Variants in THADA observed in about 807,000 individuals in gnomAD.
The protein encoded by THADA is tRNA (32-2'-O)-methyltransferase regulator THADA.
THADA carries 213 observed loss-of-function variants against 219.8 expected under a neutral mutation model. The ratio of observed to expected loss-of-function variants is 0.97; its 90% confidence interval spans 0.87 to 1.09. The LOEUF (loss-of-function observed/expected upper bound fraction) is 1.09, where lower values mean the gene tolerates loss of function less well. THADA is among the 50% of genes least tolerant of loss of function. The pLI is 0.00. For synonymous variants in THADA, 1,018 were observed against 828.9 expected (o/e 1.23, Z -3.92); for missense variants, 2,956 against 2,311.3 (o/e 1.28, Z -5.72).
intron 36 of THADA, 24 bp from the exon 37 acceptor site, chr2:43,232,906 G>C: frequency 3.1e-6 from 5 of 1,596,982 alleles, no homozygotes; most frequent in African/African-American, 1.3e-5. Flanking sequence ...AGAAAGGTGA[G>C]CAATGAATAT....
chr2:43,358,320 G>A (rs566684577), intron 29 of THADA, among the ~76,000 whole-genome samples: 1 of 152,042 alleles, frequency 6.6e-6, no homozygotes, highest in East Asian at 1.9e-4. Flanking sequence ...GTAGGTGTGT[G>A]GTATTTTCAC....
Position 43,232,851 on chromosome 2 carries a change from G to C in THADA, c.5328C>G (p.Ile1776Met), listed in dbSNP as rs370104439. The change falls in exon 37 of 38, where the codon ATC becomes ATG. Residue 1776 changes from isoleucine (I) to methionine (M), a missense_variant. Transcript: ENST00000405975. Reference sequence around the variant, plus strand: ...GGACGGCCAGGGCCAGGGCCAGAGCGATGGAGGCATCCACCTGGCAGAAGG... The same window carrying C: ...GGACGGCCAGGGCCAGGGCCAGAGCCATGGAGGCATCCACCTGGCAGAAGG... ...EFAFCQVDAS[I>M]ALALALAVLC... 6.2e-7 allele frequency: 1 copy of C among 1,611,588 alleles called. No homozygotes were observed. Among genetic ancestry groups the C allele is most frequent in the Non-Finnish European group, 8.5e-7 (1 of 1,179,054 alleles).
chr2:43,418,985 T>A (rs1573552397), intron 28 of THADA, among the ~76,000 whole-genome samples: 1 of 152,012 alleles, frequency 6.6e-6, no homozygotes, highest in Admixed American at 6.6e-5. Flanking sequence ...CTGCAGTGGG[T>A]TAAGAAGGGG....
intron 34 of THADA, among the ~76,000 whole-genome samples, chr2:43,290,308 G>A (rs957393603): frequency 6.7e-6 from 1 of 149,708 alleles, no homozygotes; most frequent in African/African-American, 2.4e-5. Context: ...ATAGTTTTTA[G>A]CAAATCATCT....
At chr2:43,462,333 T>A (rs1279320667) in intron 26 of THADA, among the ~76,000 whole-genome samples, 1 of 152,066 alleles carries the variant, frequency 6.6e-6, no homozygotes, top group East Asian at 1.9e-4. Flanking sequence ...ATGAAAGCCA[T>A]TTGAAAAGTA....
At chr2:43,386,947 T>C (rs933037855) in intron 29 of THADA, among the ~76,000 whole-genome samples, 3 of 151,824 alleles carry the variant, frequency 2.0e-5, no homozygotes, top group East Asian at 3.9e-4. Flanking sequence ...GTATGTTCAG[T>C]ACCCGTTAGA....
intron 29 of THADA, among the ~76,000 whole-genome samples, chr2:43,368,112 C>G (rs1670376888): frequency 6.6e-6 from 1 of 152,138 alleles, no homozygotes; most frequent in Non-Finnish European, 1.5e-5. Context: ...GAGCAAAACT[C>G]TATCTCACAA....
chr2:43,233,984 C>T (rs372792705), intron 36 of THADA, among the ~76,000 whole-genome samples: 2 of 152,144 alleles, frequency 1.3e-5, no homozygotes, highest in South Asian at 2.1e-4. Context: ...ATCTGGCCCC[C>T]GAAAGACTTA....
At chr2:43,431,933 T>G (rs1573615065) in intron 26 of THADA, among the ~76,000 whole-genome samples, 1 of 102,474 alleles carries the variant, frequency 9.8e-6, no homozygotes, top group South Asian at 3.6e-4. Context: ...CTCGGCTCAC[T>G]GCAAGCTCCG....
At chr2:43,235,072 C>T (rs1041045504) in intron 36 of THADA, among the ~76,000 whole-genome samples, 3 of 151,896 alleles carry the variant, frequency 2.0e-5, no homozygotes, top group African/African-American at 4.8e-5. Flanking sequence ...CTCCACCTCC[C>T]GGGTTCAAGC....
chr2:43,444,682 C>T (rs996616259), intron 26 of THADA, among the ~76,000 whole-genome samples: 4 of 152,058 alleles, frequency 2.6e-5, no homozygotes, highest in African/African-American at 9.7e-5. Context: ...CCAGTGAAAA[C>T]TATTGTGCAG....
At chr2:43,442,389 TCA>T (rs1558767649) in intron 26 of THADA, among the ~76,000 whole-genome samples, 1 of 151,912 alleles carries the variant, frequency 6.6e-6, no homozygotes, top group Non-Finnish European at 1.5e-5. Context: ...TGAGCCAAGA[TCA>T]CACCACTGCA....
intron 29 of THADA, among the ~76,000 whole-genome samples, chr2:43,363,757 G>C (rs1212494801): frequency 1.3e-5 from 2 of 152,172 alleles, no homozygotes; most frequent in African/African-American, 4.8e-5. Context: ...AGTTCCTGAG[G>C]ATGAGAAAGC....
chr2:43,460,370 T>A (rs1368578133), intron 26 of THADA, among the ~76,000 whole-genome samples: 2 of 151,834 alleles, frequency 1.3e-5, no homozygotes, highest in Admixed American at 6.6e-5. Context: ...TGCTCCAGAC[T>A]GTGACTGTAA....
intron 28 of THADA, among the ~76,000 whole-genome samples, chr2:43,407,436 A>G (rs1366520100): frequency 1.3e-5 from 2 of 152,128 alleles, no homozygotes; most frequent in African/African-American, 2.4e-5. Flanking sequence ...CATTAAATAC[A>G]TATTCTTATT....
At chr2:43,479,741 GAC>G (rs1328953394) in intron 26 of THADA, among the ~76,000 whole-genome samples, 5 of 152,104 alleles carry the variant, frequency 3.3e-5, no homozygotes, top group African/African-American at 1.2e-4. Flanking sequence ...ATTCCCGGTT[GAC>G]ATTAGAAACC....
At chr2:43,495,780 A>T (rs1040976726) in intron 25 of THADA, among the ~76,000 whole-genome samples, 7 of 152,182 alleles carry the variant, frequency 4.6e-5, no homozygotes, top group African/African-American at 1.7e-4. Context: ...TATTTCTGAC[A>T]ATCACTTTTA....
chr2:43,580,251 G>A (rs2104085025), intron 8 of THADA, among the ~76,000 whole-genome samples: 1 of 151,858 alleles, frequency 6.6e-6, no homozygotes, highest in African/African-American at 2.4e-5. Flanking sequence ...ATGTTGGCCA[G>A]AATGGTCTCA....
chr2:43,427,181 G>A (rs950212965), intron 28 of THADA, among the ~76,000 whole-genome samples: 1 of 152,096 alleles, frequency 6.6e-6, no homozygotes, highest in Non-Finnish European at 1.5e-5. Flanking sequence ...GCACCGGCTC[G>A]CAGACTCTTC....
Sources: allele counts gnomAD v4.1 joint callset (sites outside exome capture counted in the v4.1 genomes callset), GRCh38; gene constraint gnomAD v4.1.1; transcripts MANE v1.5; gene names NCBI Gene and HGNC (gene_info 2026-07-23, HGNC 2026-07-21).